Variants in SKIL observed in about 807,000 individuals in gnomAD.
SKIL encodes ski-like protein.
A neutral mutation model predicts 69.6 loss-of-function variants in SKIL; 20 were observed. The ratio of observed to expected loss-of-function variants is 0.29; its 90% CI spans 0.20 to 0.42. The LOEUF (loss-of-function observed/expected upper bound fraction) is 0.42, where lower values mean the gene tolerates loss of function less well. Ranked by LOEUF, SKIL falls within the 10% of genes least tolerant of loss-of-function variation. The pLI is 1.00. For missense variants in SKIL, 745 were observed against 783.1 expected, an observed-to-expected ratio of 0.95 and a Z score of 0.58; for synonymous variants, 310 against 279.9, an observed-to-expected ratio of 1.11 and a Z score of -1.08.
intron 2 of SKIL, among the ~76,000 whole-genome samples, chr3:170,371,800 A>G (rs1463435686): frequency 1.3e-5 from 2 of 152,228 alleles, no homozygotes; most frequent in African/African-American, 4.8e-5. Context: ...GAGAACCTCA[A>G]TTGAAAACCG....
Position 170,390,526 on chromosome 3 carries a change from G to A in SKIL, c.1671+62G>A, listed in dbSNP as rs376769181. 17 of 1,390,152 alleles carry A rather than the reference G, an allele frequency of 1.2e-5. No homozygotes were observed. In the African/African-American group the frequency reaches 1.3e-4, roughly 11 times the overall value. 86.1% of individuals were successfully genotyped at this position (1,390,152 alleles called of 1,614,324 possible). ...AGATACTTTTGTATATTGCTCTGTC[G>A]CCCAGGCTGGAGTGCAGTGGCGCAG... On this transcript the variant is annotated intron_variant, in intron 5 of 6. Coordinates refer to ENST00000259119, the MANE Select transcript of SKIL (RefSeq NM_005414.5).
chr3:170,392,049 A>C (rs1411958863), intron 6 of SKIL, among the ~76,000 whole-genome samples: 1 of 152,182 alleles, frequency 6.6e-6, no homozygotes, highest in African/African-American at 2.4e-5. Context: ...AACATGCTGG[A>C]TGTGTTCCTT....
chr3:170,389,125 G>A (rs747930543), intron 4 of SKIL, among the ~76,000 whole-genome samples: 16 of 151,284 alleles, frequency 1.1e-4, no homozygotes, highest in Non-Finnish European at 2.1e-4. Context: ...CACCTGCCTC[G>A]GCCTCCCAAA....
In SKIL at chr3:170,360,091, TTTTC is replaced by T. The variant is rs1198221917; in HGVS notation, c.-237_-234del. 7.4e-6 allele frequency: 3 copies of T among 404,424 alleles called. No individual in the cohort carries two copies. The highest frequency in any genetic ancestry group is 4.1e-5 in the African/African-American group (2 of 48,438). 25.1% of individuals were successfully genotyped at this position (404,424 alleles called of 1,614,324 possible). ...AAAGGCATCCTCAGAGGTGTGCCTC[TTTTC>T]TTTATTATTAGAGGCAAAACGAACA... On this transcript the variant is annotated 5_prime_UTR_variant, in exon 2 of 7. Transcript: ENST00000259119.
chr3:170,376,484 A>G (rs1737040183), intron 2 of SKIL, among the ~76,000 whole-genome samples: 1 of 152,224 alleles, frequency 6.6e-6, no homozygotes, highest in Non-Finnish European at 1.5e-5. Flanking sequence ...GTTTTTTTAA[A>G]AAACTGTTTT....
At chr3:170,363,732 GC>G (rs1410244952) in intron 2 of SKIL, among the ~76,000 whole-genome samples, 1 of 152,048 alleles carries the variant, frequency 6.6e-6, no homozygotes, top group Non-Finnish European at 1.5e-5. Context: ...TGATCCACCC[GC>G]CTTGGCTTCT....
At chr3:170,381,393 C>T (rs752339420) in intron 3 of SKIL, 52 bp downstream of exon 3, 2 of 861,558 alleles carry the variant, frequency 2.3e-6, no homozygotes, top group Admixed American at 1.7e-5. Flanking sequence ...CATTCAACAA[C>T]TATATGCCAT....
Position 170,391,236 on chromosome 3 carries a change from CAA to C in SKIL, c.1874_1875del (p.Lys625ArgfsTer3). 2 of 1,605,614 alleles carry C rather than the reference CAA, an allele frequency of 1.2e-6. No individual in the cohort carries two copies. Among genetic ancestry groups the C allele is most frequent in the Non-Finnish European group, 1.7e-6 (2 of 1,173,488 alleles). ...CTCDSNLEKD[K>X]EAEYAGQLAE... Reference sequence around the variant, plus strand: ...CCTGTGACTCAAATTTAGAAAAAGACAAAGAGGCTGAATATGCAGGACAGGTA... The same window carrying C: ...CCTGTGACTCAAATTTAGAAAAAGACAGAGGCTGAATATGCAGGACAGGTA... On this transcript the variant is annotated frameshift_variant, in exon 6 of 7. Transcript: ENST00000259119. LOFTEE classifies it high-confidence loss of function.
intron 2 of SKIL, among the ~76,000 whole-genome samples, chr3:170,377,745 G>A (rs772049583): frequency 6.0e-5 from 9 of 148,946 alleles, no homozygotes; most frequent in South Asian, 2.1e-4. Context: ...TAGTAGAGAC[G>A]GGGTTTCACC....
chr3:170,379,481 C>CG (rs1553854061), intron 2 of SKIL, among the ~76,000 whole-genome samples: 15 of 59,420 alleles, frequency 2.5e-4, no homozygotes, highest in Non-Finnish European at 6.6e-4. Context: ...GAGTCTTGCC[C>CG]CCCCTTTTAA....
chr3:170,389,180 TTA>T (rs1455748878), intron 4 of SKIL, among the ~76,000 whole-genome samples: 1 of 151,348 alleles, frequency 6.6e-6, no homozygotes, highest in Non-Finnish European at 1.5e-5. Flanking sequence ...GCCAAGAAAT[TTA>T]TGTTTAAGGG....
At chr3:170,367,247 T>C (rs532114896) in intron 2 of SKIL, among the ~76,000 whole-genome samples, 1 of 152,096 alleles carries the variant, frequency 6.6e-6, no homozygotes, top group Admixed American at 6.6e-5. Context: ...TAGCTGGGAC[T>C]ACAGGTACCC....
At position 170,360,160 on chromosome 3, in the gene SKIL, G is replaced by T; in HGVS notation, c.-172G>T. 1.7e-6 allele frequency: 1 copy of T among 581,784 alleles called. No individual in the cohort carries two copies. Among genetic ancestry groups the T allele is most frequent in the East Asian group, 2.9e-5 (1 of 34,054 alleles). The allele number at this position is 581,784 out of a possible 1,614,324, so 36.0% of individuals were successfully genotyped here. A position where few individuals can be genotyped will look rare whatever the true frequency, so the allele number is the denominator to read the frequency against. ...GTAGTGAAATTATACCAGATTATAA[G>T]GAGAACCAAAACTAAGTCGCAAAAT... On this transcript the variant is annotated 5_prime_UTR_variant, in exon 2 of 7. In the 5' UTR this introduces an upstream ATG that the reference lacks. Transcript: ENST00000259119.
Position 170,360,611 on chromosome 3 carries a change from C to T in SKIL, c.280C>T (p.His94Tyr). Residue 94 changes from histidine to tyrosine, a missense_variant, in exon 2 of 7, where the codon CAT becomes TAT. Physicochemically the swap from His to Tyr is moderately conservative, Grantham distance 83. Transcript: ENST00000259119. Reference protein sequence around the residue: ...PSLKHTLAQFHLSSQSSLGGP... With the variant: ...PSLKHTLAQFYLSSQSSLGGP... ...TTTGAAACACACATTGGCACAATTC[C>T]ATTTAAGTAGTCAGAGCTCGCTGGG... The T allele has an allele frequency of 6.2e-7, 1 of 1,614,162 alleles. No individual in the cohort carries two copies. Among genetic ancestry groups the T allele is most frequent in the East Asian group, 2.2e-5 (1 of 44,890 alleles).
At position 170,390,429 on chromosome 3, in the gene SKIL, A is replaced by G. The variant is rs1181091124; in HGVS notation, c.1636A>G (p.Asn546Asp). 1 of 1,612,600 alleles carries G rather than the reference A, an allele frequency of 6.2e-7. No homozygotes were observed. The highest frequency in any genetic ancestry group is 1.1e-5 in the South Asian group (1 of 91,038). ...TTATTTAAAACAACAGGAAAAACTAAACTTGATTTTGCAAAAGAAGCAACA... is the reference window on the plus strand; with the variant it reads ...TTATTTAAAACAACAGGAAAAACTAGACTTGATTTTGCAAAAGAAGCAACA... ...RTYLKQQEKL[N>D]LILQKKQQLQ... The change falls in exon 5 of 7, where the codon AAC becomes GAC. Residue 546 changes from asparagine (N) to aspartate (D), a missense_variant. Asn to Asp is a conservative substitution (Grantham distance 23). Transcript: ENST00000259119.
chr3:170,377,962 C>T (rs1268667542), intron 2 of SKIL, among the ~76,000 whole-genome samples: 2 of 152,134 alleles, frequency 1.3e-5, no homozygotes, highest in Non-Finnish European at 2.9e-5. Flanking sequence ...GGCGCCGTCT[C>T]GGCTCACTGC....
At position 170,373,421 on chromosome 3, in the gene SKIL, C is replaced by CT. The variant is rs1313854781; in HGVS notation, c.1099-7822dup. Among the ~76,000 whole-genome samples, 6 of 58,816 alleles carry CT rather than the reference C, an allele frequency of 1.0e-4. No homozygotes were observed. The Admixed American group carries it at 1.2e-3, about 12-fold the overall frequency. 38.6% of individuals were successfully genotyped at this position (58,816 alleles called of 152,430 possible). On this transcript the variant is annotated intron_variant, in intron 2 of 6. Coordinates refer to ENST00000259119, the MANE Select transcript of SKIL (RefSeq NM_005414.5). ...CTTGAACTCCTGACCTCAGGTGATC[C>CT]TCCGCCTTGGCCTCCCAAAGTGCTG...
chr3:170,371,252 G>A (rs1238504931), intron 2 of SKIL, among the ~76,000 whole-genome samples: 3 of 152,154 alleles, frequency 2.0e-5, no homozygotes, highest in African/African-American at 4.8e-5. Context: ...TGTAATCCCA[G>A]CACTTTGGGA....
chr3:170,382,413 ATTTTTTTTT>A (rs773770207), intron 3 of SKIL, among the ~76,000 whole-genome samples: 1 of 119,114 alleles, frequency 8.4e-6, no homozygotes, highest in African/African-American at 2.9e-5. Context: ...TGCAACTTTG[ATTTTTTTTT>A]TTTTTTTTTT....
Sources: gnomAD v4.1 joint callset for allele counts (sites outside exome capture counted in the v4.1 genomes callset) on GRCh38, gnomAD v4.1.1 for gene constraint, MANE v1.5 for transcripts, NCBI Gene and HGNC (gene_info 2026-07-23, HGNC 2026-07-21) for gene names.